BANK1: variants seen among roughly 807,000 people sequenced by gnomAD.
BANK1 encodes B-cell scaffold protein with ankyrin repeats.
Under a neutral mutation model 94.5 loss-of-function variants are expected in BANK1, and 95 were observed. That is an observed-to-expected ratio of 1.00 (90% confidence interval 0.85 to 1.19). The LOEUF (loss-of-function observed/expected upper bound fraction) is 1.19, where lower values mean the gene tolerates loss of function less well. Among genes scored for constraint, BANK1 ranks in the 50% most tolerant of loss-of-function variants. The pLI is 0.00. For missense variants in BANK1, 987 were observed against 932.2 expected (o/e 1.06, Z -0.77); for synonymous variants, 334 against 308.4 (o/e 1.08, Z -0.87).
intron 11 of BANK1, among the ~76,000 whole-genome samples, chr4:102,051,101 A>C (rs1728031948): frequency 2.0e-5 from 3 of 152,188 alleles, no homozygotes; most frequent in South Asian, 4.1e-4. Context: ...GATAAATGTT[A>C]AATAATAAAA....
chr4:101,845,803 A>G lies in BANK1; in HGVS notation c.470-9232A>G, dbSNP rs372467607. 3.9e-5 allele frequency among the ~76,000 whole-genome samples: 6 copies of G among 152,320 alleles called. No individual in the cohort carries two copies. In the South Asian group the frequency reaches 6.2e-4, roughly 16 times the overall value. ...GTCAAATAAGGTATAATCTTATGCTATGGTAAGAATTAATGCCTTAGACAT... is the reference window on the plus strand; with the variant it reads ...GTCAAATAAGGTATAATCTTATGCTGTGGTAAGAATTAATGCCTTAGACAT... On this transcript the variant is annotated intron_variant, in intron 2 of 16. Coordinates refer to ENST00000322953, the MANE Select transcript of BANK1 (RefSeq NM_017935.5).
At chr4:101,973,066 TA>T (rs1363650731) in intron 7 of BANK1, among the ~76,000 whole-genome samples, 1 of 151,898 alleles carries the variant, frequency 6.6e-6, no homozygotes, top group Non-Finnish European at 1.5e-5. Flanking sequence ...GTTTTTTTTT[TA>T]GCTCTATTAC....
At chr4:101,947,452 C>A (rs1723974716) in intron 7 of BANK1, among the ~76,000 whole-genome samples, 1 of 150,990 alleles carries the variant, frequency 6.6e-6, no homozygotes, top group African/African-American at 2.4e-5. Flanking sequence ...GATAACTTAA[C>A]TGAAGAATAC....
At chr4:101,937,732 A>G (rs1723616684) in intron 7 of BANK1, among the ~76,000 whole-genome samples, 1 of 151,876 alleles carries the variant, frequency 6.6e-6, no homozygotes, top group South Asian at 2.1e-4. Context: ...AGCAATCCCC[A>G]TTACTGGTAT....
At chr4:101,899,313 A>G (rs1165003468) in intron 6 of BANK1, among the ~76,000 whole-genome samples, 1 of 152,206 alleles carries the variant, frequency 6.6e-6, no homozygotes, top group Non-Finnish European at 1.5e-5. Flanking sequence ...AAGACATTAT[A>G]AAAACTTCTA....
chr4:101,902,607 G>A (rs553022542), intron 6 of BANK1, among the ~76,000 whole-genome samples: 1 of 152,218 alleles, frequency 6.6e-6, no homozygotes, highest in South Asian at 2.1e-4. Context: ...CTGTGCTGTT[G>A]TTCTAATGGT....
intron 6 of BANK1, among the ~76,000 whole-genome samples, chr4:101,897,508 T>C (rs1262128164): frequency 9.2e-5 from 14 of 151,898 alleles, no homozygotes; most frequent in Admixed American, 9.2e-4. Flanking sequence ...TATATCGGAG[T>C]CCCTGAAAAT....
chr4:101,861,671 A>ATG lies in BANK1; in HGVS notation c.625-839_625-838dup, dbSNP rs144912145. On this transcript the variant is annotated intron_variant, in intron 3 of 16. Coordinates refer to ENST00000322953, the MANE Select transcript of BANK1 (RefSeq NM_017935.5). ...CTTATCCATTTATTTTGGTATGTGT[A>ATG]TGTGTGTGTGTGTGTGTTTGTCTTT... Among the ~76,000 whole-genome samples, 48 of 150,488 alleles carry ATG rather than the reference A, an allele frequency of 3.2e-4. No individual in the cohort carries two copies. The East Asian group carries it at 3.3e-3, about 10-fold the overall frequency.
chr4:102,039,614 C>T (rs1727641207), intron 10 of BANK1, among the ~76,000 whole-genome samples: 1 of 152,036 alleles, frequency 6.6e-6, no homozygotes, highest in Non-Finnish European at 1.5e-5. Flanking sequence ...CTGATGGTTC[C>T]TCATCCCTAT....
chr4:101,870,869 A>G (rs556048410), intron 5 of BANK1, among the ~76,000 whole-genome samples: 12 of 152,198 alleles, frequency 7.9e-5, no homozygotes, highest in South Asian at 4.1e-4. Flanking sequence ...CAGCTTATTC[A>G]TTACAAGGTA....
In BANK1 at chr4:101,850,973, A is replaced by G. The variant is rs1395347633; in HGVS notation, c.470-4062A>G. On this transcript the variant is annotated intron_variant, in intron 2 of 16. Coordinates refer to ENST00000322953, the MANE Select transcript of BANK1 (RefSeq NM_017935.5). The stretch of plus-strand genomic sequence containing the variant: ...ACAAAACACTATTGAAATTAGGCCA[A>G]TGAATAAGCCTACAATGGCCTCCAA... Among the ~76,000 whole-genome samples, 6 of 152,166 alleles carry G rather than the reference A, an allele frequency of 3.9e-5. No homozygotes were observed. In the South Asian group the frequency reaches 1.0e-3, roughly 26 times the overall value.
chr4:101,996,546 C>A (rs192785385), intron 7 of BANK1, among the ~76,000 whole-genome samples: 1 of 152,094 alleles, frequency 6.6e-6, no homozygotes, highest in Non-Finnish European at 1.5e-5. Context: ...TATATTGATT[C>A]TTCCTTTCTA....
intron 7 of BANK1, among the ~76,000 whole-genome samples, chr4:102,008,418 A>G (rs1465565814): frequency 6.6e-6 from 1 of 152,224 alleles, no homozygotes; most frequent in Non-Finnish European, 1.5e-5. Flanking sequence ...CTCATTTAAC[A>G]GCAAAACAGA....
At chr4:101,799,439 A>G (rs1725274648) in intron 1 of BANK1, among the ~76,000 whole-genome samples, 1 of 152,246 alleles carries the variant, frequency 6.6e-6, no homozygotes, top group African/African-American at 2.4e-5. Flanking sequence ...TGTCTTGGCA[A>G]TGCAGGCTCT....
chr4:101,863,532 T>C (rs1309925047), intron 4 of BANK1, among the ~76,000 whole-genome samples: 1 of 152,102 alleles, frequency 6.6e-6, no homozygotes, highest in Non-Finnish European at 1.5e-5. Flanking sequence ...TTTTAAAATA[T>C]AGTGATTATG....
At chr4:102,037,651 C>G (rs1395215957) in intron 10 of BANK1, among the ~76,000 whole-genome samples, 1 of 152,188 alleles carries the variant, frequency 6.6e-6, no homozygotes, top group Non-Finnish European at 1.5e-5. Flanking sequence ...CGGAATTTTA[C>G]TGAAGACTGA....
At chr4:102,024,047 G>A (rs1223889683) in intron 8 of BANK1, among the ~76,000 whole-genome samples, 1 of 152,132 alleles carries the variant, frequency 6.6e-6, no homozygotes, top group Non-Finnish European at 1.5e-5. Flanking sequence ...TTTAGTTTTA[G>A]TACTGGAAAC....
intron 1 of BANK1, 59 bp from the exon 2 acceptor site, chr4:101,829,746 AAAT>A: frequency 8.6e-7 from 1 of 1,168,102 alleles, no homozygotes; most frequent in South Asian, 1.9e-5. Flanking sequence ...AATTTTTGAG[AAAT>A]AATAATTTAA....
chr4:102,012,640 T>C (rs540811004), intron 7 of BANK1, among the ~76,000 whole-genome samples: 1 of 152,114 alleles, frequency 6.6e-6, no homozygotes, highest in Non-Finnish European at 1.5e-5. Flanking sequence ...TCAAGTAGTA[T>C]TATATGTTTG....
Sources: allele counts gnomAD v4.1 joint callset (sites outside exome capture counted in the v4.1 genomes callset), GRCh38; gene constraint gnomAD v4.1.1; transcripts MANE v1.5; gene names NCBI Gene and HGNC (gene_info 2026-07-23, HGNC 2026-07-21).